SYNCRIP: variants seen among roughly 807,000 people sequenced by gnomAD.
The protein encoded by SYNCRIP is synaptotagmin binding cytoplasmic RNA interacting protein.
Under a neutral mutation model 68.9 loss-of-function variants are expected in SYNCRIP, and 9 were observed. That is an observed-to-expected ratio of 0.13 (90% confidence interval 0.08 to 0.23). The LOEUF (loss-of-function observed/expected upper bound fraction) is 0.23, where lower values mean the gene tolerates loss of function less well. Among genes scored for constraint, SYNCRIP ranks in the 10% least tolerant of loss-of-function variants. SYNCRIP has a pLI of 1.00. For missense variants in SYNCRIP, 414 were observed against 770.6 expected, an observed-to-expected ratio of 0.54 and a Z score of 5.48; for synonymous variants, 258 against 254.0, an observed-to-expected ratio of 1.02 and a Z score of -0.15.
At chr6:85,642,359 CT>C (rs1037435398) in intron 1 of SYNCRIP, among the ~76,000 whole-genome samples, 3 of 152,188 alleles carry the variant, frequency 2.0e-5, no homozygotes, top group African/African-American at 7.2e-5. Context: ...CGTGCAGTGA[CT>C]GCGACGCCTG....
In SYNCRIP at chr6:85,614,555, T is replaced by C. The variant is rs907035377; in HGVS notation, c.*201A>G. 4.7e-6 allele frequency: 6 copies of C among 1,287,534 alleles called. No homozygotes were observed. Among genetic ancestry groups the C allele is most frequent in the African/African-American group, 3.1e-5 (2 of 65,170 alleles). 79.8% of individuals were successfully genotyped at this position (1,287,534 alleles called of 1,614,324 possible). A position where few individuals can be genotyped will look rare whatever the true frequency, so the allele number is the denominator to read the frequency against. On this transcript the variant is annotated 3_prime_UTR_variant, in exon 11 of 11. Coordinates refer to ENST00000369622, the MANE Select transcript of SYNCRIP (RefSeq NM_006372.5). The stretch of plus-strand genomic sequence containing the variant: ...TTCTTTCAGTATCTAAGAATATCTT[T>C]ATTGAAAAAAATTAAAAATAAAATC...
chr6:85,612,782 G>A (rs1583233911), downstream of SYNCRIP: 1 of 1,307,480 alleles, frequency 7.6e-7, no homozygotes, highest in Admixed American at 2.6e-5. Flanking sequence ...TTCTGCAATA[G>A]AATATGCTCC....
At chr6:85,616,104 G>A (rs1805735789) in intron 10 of SYNCRIP, among the ~76,000 whole-genome samples, 1 of 152,188 alleles carries the variant, frequency 6.6e-6, no homozygotes, top group Non-Finnish European at 1.5e-5. Flanking sequence ...TTGTCAAAGT[G>A]ATTAGAAAGC....
intron 4 of SYNCRIP, among the ~76,000 whole-genome samples, chr6:85,639,620 C>G (rs1808892200): frequency 6.6e-6 from 1 of 152,142 alleles, no homozygotes; most frequent in Non-Finnish European, 1.5e-5. Flanking sequence ...GTAATACAAT[C>G]ACCACATTGT....
intron 6 of SYNCRIP, among the ~76,000 whole-genome samples, chr6:85,631,283 G>A (rs1583293195): frequency 2.1e-5 from 3 of 146,048 alleles, no homozygotes; most frequent in African/African-American, 7.7e-5. Context: ...AGGGTGCAGT[G>A]AGCTGTGATC....
chr6:85,639,861 G>C (rs1330231846), intron 4 of SYNCRIP, among the ~76,000 whole-genome samples: 1 of 152,100 alleles, frequency 6.6e-6, no homozygotes, highest in East Asian at 1.9e-4. Flanking sequence ...ATTGGGGTTT[G>C]AGACTCCTAA....
At chr6:85,637,453 T>C (rs1808587853) in intron 4 of SYNCRIP, 97 bp from the exon 5 acceptor site, 2 of 775,364 alleles carry the variant, frequency 2.6e-6, no homozygotes, top group African/African-American at 2.1e-5. Flanking sequence ...TTTCCAATTA[T>C]CTTGGCATGT....
At chr6:85,626,610 A>G (rs368603791) in intron 6 of SYNCRIP, among the ~76,000 whole-genome samples, 2 of 152,228 alleles carry the variant, frequency 1.3e-5, no homozygotes, top group African/African-American at 2.4e-5. Flanking sequence ...CAAAATCCTT[A>G]TAAGAAATGT....
At position 85,625,532 on chromosome 6, in the gene SYNCRIP, C is replaced by T. The variant is rs578248059; in HGVS notation, c.667-1420G>A. Among the ~76,000 whole-genome samples the T allele has an allele frequency of 2.6e-5, 4 of 152,068 alleles. 1 individual carries two copies. The highest frequency in any genetic ancestry group is 4.2e-4 in the South Asian group (2 of 4,810). ...CCTCCCGAGTAGCTGTGATTACAGG[C>T]GCCTGCCACCATGCCCGGCTATTTT... is the stretch of plus-strand genomic sequence containing the variant. On this transcript the variant is annotated intron_variant, in intron 6 of 10. Coordinates refer to ENST00000369622, the MANE Select transcript of SYNCRIP (RefSeq NM_006372.5).
intron 6 of SYNCRIP, among the ~76,000 whole-genome samples, chr6:85,624,420 A>G (rs1220512270): frequency 3.3e-5 from 5 of 152,216 alleles, no homozygotes; most frequent in Admixed American, 3.3e-4. Flanking sequence ...CCCATCAACC[A>G]GTTATTCTCA....
At chr6:85,632,508 C>CA (rs774147051) in intron 6 of SYNCRIP, among the ~76,000 whole-genome samples, 2 of 152,078 alleles carry the variant, frequency 1.3e-5, no homozygotes, top group African/African-American at 2.4e-5. Flanking sequence ...TACAAAGTGG[C>CA]AAAAAACATC....
intron 6 of SYNCRIP, among the ~76,000 whole-genome samples, chr6:85,632,314 G>C (rs983818270): frequency 6.6e-6 from 1 of 152,108 alleles, no homozygotes; most frequent in Admixed American, 6.6e-5. Flanking sequence ...TAATGCAAAG[G>C]AGGCATGAGG....
chr6:85,615,971 A>G (rs1191740110), intron 10 of SYNCRIP, among the ~76,000 whole-genome samples: 1 of 152,256 alleles, frequency 6.6e-6, no homozygotes, highest in Non-Finnish European at 1.5e-5. Flanking sequence ...AAGACCTTAA[A>G]GTTTTCCTGT....
chr6:85,629,115 T>TA (rs1039399479), intron 6 of SYNCRIP, among the ~76,000 whole-genome samples: 6 of 152,160 alleles, frequency 3.9e-5, no homozygotes, highest in African/African-American at 1.4e-4. Flanking sequence ...CTTAGCCCAG[T>TA]ATGAACTAAC....
chr6:85,641,526 T>G, intron 1 of SYNCRIP, 75 bp from the exon 2 acceptor site: 1 of 1,426,926 alleles, frequency 7.0e-7, no homozygotes, highest in South Asian at 1.3e-5. Flanking sequence ...GCCCCATCTT[T>G]ACTTTCTCTA....
chr6:85,610,911 T>C (rs1318592604), downstream of SYNCRIP: 1 of 152,034 alleles, frequency 6.6e-6, no homozygotes, highest in African/African-American at 2.4e-5. Context: ...CACGGGGTAA[T>C]ATATAAAATC....
Position 85,624,130 on chromosome 6 carries a change from G to T in SYNCRIP, c.667-18C>A. On this transcript the variant is annotated intron_variant, in intron 6 of 10. Transcript: ENST00000369622. ...TTATTATACTGAAAGGGGAAAAAGT[G>T]CATCATGTTTTTAAATTACTTATAC... 3.1e-6 allele frequency: 5 copies of T among 1,605,608 alleles called. No homozygotes were observed. Among genetic ancestry groups the T allele is most frequent in the Non-Finnish European group, 4.3e-6 (5 of 1,175,812 alleles).
At chr6:85,609,744 G>A (rs564498195), downstream of SYNCRIP, 6 of 151,860 alleles carry the variant, frequency 4.0e-5, no homozygotes, top group Non-Finnish European at 8.8e-5. Context: ...AAAATCTTGC[G>A]TCTGTTTTGG....
At chr6:85,625,869 G>T (rs1806975194) in intron 6 of SYNCRIP, among the ~76,000 whole-genome samples, 2 of 152,122 alleles carry the variant, frequency 1.3e-5, no homozygotes, top group Non-Finnish European at 2.9e-5. Context: ...TTCTCAACAG[G>T]AGTGATTTTG....
Sources: allele counts gnomAD v4.1 joint callset (sites outside exome capture counted in the v4.1 genomes callset), GRCh38; gene constraint gnomAD v4.1.1; transcripts MANE v1.5; gene names NCBI Gene and HGNC (gene_info 2026-07-23, HGNC 2026-07-21).